NOL4: variants seen among roughly 807,000 people sequenced by gnomAD.
NOL4 encodes the protein cancer/testis antigen 125.
Under a neutral mutation model 75.9 loss-of-function variants are expected in NOL4, and 17 were observed. That is an observed-to-expected ratio of 0.22 (90% confidence interval 0.15 to 0.34). The LOEUF is 0.34. Ranked by LOEUF, NOL4 falls within the 10% of genes least tolerant of loss-of-function variation. The pLI is 1.00. For missense variants in NOL4, 614 were observed against 793.5 expected (o/e 0.77, Z 2.72); for synonymous variants, 292 against 289.9 (o/e 1.01, Z -0.07).
At chr18:33,883,654 G>C (rs2064450977) in intron 9 of NOL4, among the ~76,000 whole-genome samples, 1 of 152,130 alleles carries the variant, frequency 6.6e-6, no homozygotes, top group Admixed American at 6.6e-5. Flanking sequence ...GTTTTCAATT[G>C]AATATAAAAT....
intron 5 of NOL4, among the ~76,000 whole-genome samples, chr18:34,067,382 C>G (rs2077324704): frequency 6.6e-6 from 1 of 152,000 alleles, no homozygotes; most frequent in Non-Finnish European, 1.5e-5. Flanking sequence ...GATGAGAAAC[C>G]CTGAAAGGGC....
chr18:34,074,165 G>A (rs2077643982), intron 5 of NOL4, among the ~76,000 whole-genome samples: 1 of 151,572 alleles, frequency 6.6e-6, no homozygotes, highest in Non-Finnish European at 1.5e-5. Context: ...GAATATTTTG[G>A]TAATATTTAA....
chr18:34,181,593 T>G (rs867299736), intron 1 of NOL4, among the ~76,000 whole-genome samples: 2 of 151,452 alleles, frequency 1.3e-5, no homozygotes, highest in Non-Finnish European at 3.0e-5. Context: ...AATTAAAAAC[T>G]TTTGCATATA....
chr18:33,945,688 C>G (rs1392211198), intron 8 of NOL4, among the ~76,000 whole-genome samples: 3 of 151,610 alleles, frequency 2.0e-5, no homozygotes, highest in African/African-American at 7.3e-5. Context: ...GATAAAGCAA[C>G]CATGCACACT....
intron 6 of NOL4, among the ~76,000 whole-genome samples, chr18:34,019,033 G>A (rs1331251182): frequency 1.3e-5 from 2 of 151,976 alleles, no homozygotes; most frequent in Non-Finnish European, 2.9e-5. Flanking sequence ...CAAATTCCCA[G>A]AGAGATTCAT....
chr18:34,198,235 A>G (rs2035477598), intron 1 of NOL4, among the ~76,000 whole-genome samples: 1 of 151,876 alleles, frequency 6.6e-6, no homozygotes, highest in Admixed American at 6.6e-5. Context: ...TTTTTTTATT[A>G]AACACTTATT....
intron 1 of NOL4, among the ~76,000 whole-genome samples, chr18:34,141,766 G>T (rs1312201299): frequency 6.6e-6 from 1 of 152,142 alleles, no homozygotes; most frequent in Non-Finnish European, 1.5e-5. Context: ...TCAGGACATA[G>T]GCATGGGCAA....
chr18:33,986,546 T>C (rs536369075), intron 6 of NOL4, among the ~76,000 whole-genome samples: 52 of 152,202 alleles, frequency 3.4e-4, no homozygotes, highest in Non-Finnish European at 6.6e-4. Flanking sequence ...AACTCATGAA[T>C]TGTTTATTTC....
intron 1 of NOL4, among the ~76,000 whole-genome samples, chr18:34,159,567 C>T (rs1197995472): frequency 2.0e-5 from 3 of 152,058 alleles, no homozygotes; most frequent in Non-Finnish European, 4.4e-5. Flanking sequence ...CGTGACCTTC[C>T]AAGAGCTTGA....
At chr18:34,101,430 A>G (rs895394851) in intron 4 of NOL4, among the ~76,000 whole-genome samples, 1 of 152,152 alleles carries the variant, frequency 6.6e-6, no homozygotes, top group South Asian at 2.1e-4. Context: ...CCATGCCCCA[A>G]AAGAGACAAA....
chr18:33,994,787 A>T (rs749697447), intron 6 of NOL4, among the ~76,000 whole-genome samples: 2 of 151,702 alleles, frequency 1.3e-5, no homozygotes, highest in Non-Finnish European at 3.0e-5. Flanking sequence ...AAAATAATGA[A>T]GATTTGAGTG....
chr18:34,125,541 T>C (rs1477588784), intron 2 of NOL4, among the ~76,000 whole-genome samples: 7 of 152,208 alleles, frequency 4.6e-5, no homozygotes, highest in South Asian at 2.1e-4. Flanking sequence ...TATTTAGCAA[T>C]AGAGACAGTG....
chr18:34,018,340 G>A (rs2074828575), intron 6 of NOL4, among the ~76,000 whole-genome samples: 1 of 152,150 alleles, frequency 6.6e-6, no homozygotes, highest in Non-Finnish European at 1.5e-5. Flanking sequence ...GGAGTGCTTA[G>A]GTGTCGGCTA....
At chr18:34,110,735 T>G (rs77115227) in intron 2 of NOL4, among the ~76,000 whole-genome samples, 2,801 of 152,038 alleles carry the variant, frequency 0.018, 35 homozygotes, top group Non-Finnish European at 0.028. Flanking sequence ...AAGAAAGAAA[T>G]AAAATTTTCT....
intron 2 of NOL4, among the ~76,000 whole-genome samples, chr18:34,111,350 T>C (rs1047677239): frequency 6.6e-6 from 1 of 152,154 alleles, no homozygotes; most frequent in Admixed American, 6.6e-5. Flanking sequence ...AATGTCCGTG[T>C]CTTCTTAAAC....
chr18:34,092,122 T>C (rs2078551828), intron 5 of NOL4, among the ~76,000 whole-genome samples: 1 of 151,974 alleles, frequency 6.6e-6, no homozygotes, highest in Admixed American at 6.6e-5. Flanking sequence ...ATAAGCAAAT[T>C]AATGGAGTGA....
At position 33,910,371 on chromosome 18, in the gene NOL4, G is replaced by C. The variant is rs529631485; in HGVS notation, c.1543-26947C>G. On this transcript the variant is annotated intron_variant, in intron 9 of 10. Coordinates refer to ENST00000261592, the MANE Select transcript of NOL4 (RefSeq NM_003787.5). ...AGAGTCTAGTGTTTGAAAGATAACA[G>C]TGCGTGGCCTATTTATTTCCCGGTA... Among the ~76,000 whole-genome samples, 11 of 152,208 alleles carry C rather than the reference G, an allele frequency of 7.2e-5. No homozygotes were observed. In the East Asian group the frequency reaches 1.9e-3, roughly 27 times the overall value.
At chr18:34,190,766 T>C (rs2146399578) in intron 1 of NOL4, among the ~76,000 whole-genome samples, 1 of 151,860 alleles carries the variant, frequency 6.6e-6, no homozygotes, top group East Asian at 1.9e-4. Context: ...ATTTAAATTA[T>C]GCATTTTATT....
At chr18:34,141,300 C>A (rs1449189155) in intron 1 of NOL4, among the ~76,000 whole-genome samples, 2 of 152,128 alleles carry the variant, frequency 1.3e-5, no homozygotes, top group African/African-American at 2.4e-5. Flanking sequence ...ATCAAGCTAC[C>A]AATGACTTTC....
Sources: gnomAD v4.1 joint callset for allele counts (sites outside exome capture counted in the v4.1 genomes callset) on GRCh38, gnomAD v4.1.1 for gene constraint, MANE v1.5 for transcripts, NCBI Gene and HGNC (gene_info 2026-07-23, HGNC 2026-07-21) for gene names.